Variants in COL21A1 observed in about 807,000 individuals in gnomAD.
The protein encoded by COL21A1 is collagen type XXI alpha 1 chain.
COL21A1 carries 149 observed loss-of-function variants against 137.9 expected under a neutral mutation model. The observed-to-expected ratio is 1.08, with a 90% CI of 0.95 to 1.24. The LOEUF (loss-of-function observed/expected upper bound fraction) is 1.24, where lower values mean the gene tolerates loss of function less well. Ranked by LOEUF, COL21A1 falls within the 50% of genes most tolerant of loss-of-function variation. The pLI, the probability that COL21A1 is intolerant of heterozygous loss-of-function variation, is 0.00. For missense variants in COL21A1, 1,167 were observed against 1,158.4 expected (o/e 1.01, Z -0.11); for synonymous variants, 456 against 391.5 (o/e 1.16, Z -1.95).
intron 1 of COL21A1, among the ~76,000 whole-genome samples, chr6:56,376,762 T>C (rs974305407): frequency 4.0e-5 from 6 of 151,818 alleles, no homozygotes; most frequent in Non-Finnish European, 8.8e-5. Flanking sequence ...TTTTGAATAG[T>C]TACAGAAAAT....
intron 1 of COL21A1, among the ~76,000 whole-genome samples, chr6:56,382,830 T>C (rs1232384739): frequency 6.6e-6 from 1 of 152,132 alleles, no homozygotes; most frequent in Non-Finnish European, 1.5e-5. Context: ...CATCCTATGG[T>C]ATTTTGTTAT....
chr6:56,270,278 G>A (rs1168462975), intron 1 of COL21A1, among the ~76,000 whole-genome samples: 1 of 152,192 alleles, frequency 6.6e-6, no homozygotes, highest in South Asian at 2.1e-4. Flanking sequence ...TCTTATGTCA[G>A]CTAAAATAGA....
At chr6:56,145,786 C>G (rs1774786904) in intron 10 of COL21A1, among the ~76,000 whole-genome samples, 1 of 152,012 alleles carries the variant, frequency 6.6e-6, no homozygotes, top group African/African-American at 2.4e-5. Context: ...CCACCCTACC[C>G]CCATCTGCAA....
intron 1 of COL21A1, among the ~76,000 whole-genome samples, chr6:56,287,537 C>G (rs1208485477): frequency 6.6e-6 from 1 of 152,034 alleles, no homozygotes; most frequent in East Asian, 1.9e-4. Flanking sequence ...CTCTCTTTCT[C>G]TCCTGATTTG....
At chr6:56,311,187 C>G (rs532213705) in intron 1 of COL21A1, among the ~76,000 whole-genome samples, 1 of 152,308 alleles carries the variant, frequency 6.6e-6, no homozygotes, top group Admixed American at 6.5e-5. Context: ...AAAATGAATA[C>G]ACAAAGATAG....
At position 56,276,487 on chromosome 6, in the gene COL21A1, G is replaced by A. The variant is rs200537235; in HGVS notation, c.-38-93831C>T. ...AAAATACATACTTTTTTCAGAGAGAGGGGGAACAACTTAAAATAAACCAGA... is the reference window on the plus strand; with the variant it reads ...AAAATACATACTTTTTTCAGAGAGAAGGGGAACAACTTAAAATAAACCAGA... On this transcript the variant is annotated intron_variant, in intron 1 of 28. Coordinates refer to the COL21A1 transcript ENST00000370819. The A allele has an allele frequency of 2.2e-4, 183 of 824,246 alleles. No homozygotes were observed. The East Asian group carries it at 3.0e-3, about 14-fold the overall frequency. The allele number at this position is 824,246 out of a possible 1,614,324, so 51.1% of individuals were successfully genotyped here.
chr6:56,243,207 T>C (rs1040300566), intron 1 of COL21A1, among the ~76,000 whole-genome samples: 3 of 152,170 alleles, frequency 2.0e-5, no homozygotes, highest in Non-Finnish European at 4.4e-5. Context: ...ATTACTTTAC[T>C]CTTTTCACAA....
At chr6:56,099,083 A>T (rs1310887699) in intron 17 of COL21A1, among the ~76,000 whole-genome samples, 1 of 151,770 alleles carries the variant, frequency 6.6e-6, no homozygotes, top group East Asian at 1.9e-4. Flanking sequence ...GTTCAACGTA[A>T]ATACGTGCTC....
Position 56,060,746 on chromosome 6 carries a change from AT to A in COL21A1, c.2401del (p.Ile801Ter). 1 of 1,605,166 alleles carries A rather than the reference AT, an allele frequency of 6.2e-7. No individual in the cohort carries two copies. Among genetic ancestry groups the A allele is most frequent in the Non-Finnish European group, 8.5e-7 (1 of 1,177,580 alleles). On this transcript the variant is annotated frameshift_variant, in exon 27 of 30. Transcript: ENST00000244728. LOFTEE classifies it high-confidence loss of function. ...QFIRQVCTDVIRAQLPVLLQS... is the reference protein window; with the variant it reads ...QFIRQVCTDVXRAQLPVLLQS... ...ATGCTATATTTGATACCTACCTCTT[AT>A]TACATCTGTGCAAACTTGTCGAATA...
chr6:56,383,709 T>TC (rs1383654202), intron 1 of COL21A1, among the ~76,000 whole-genome samples: 1 of 152,216 alleles, frequency 6.6e-6, no homozygotes, highest in African/African-American at 2.4e-5. Context: ...ACAGTCTGGT[T>TC]CAATGCATTA....
intron 1 of COL21A1, among the ~76,000 whole-genome samples, chr6:56,268,270 T>G (rs1309364196): frequency 6.6e-6 from 1 of 152,164 alleles, no homozygotes; most frequent in Non-Finnish European, 1.5e-5. Context: ...TGCCATGGCC[T>G]CTACCCAAAG....
At chr6:56,222,204 T>A (rs577033260) in intron 1 of COL21A1, among the ~76,000 whole-genome samples, 1 of 151,874 alleles carries the variant, frequency 6.6e-6, no homozygotes, top group East Asian at 1.9e-4. Context: ...ACCCAGGAGG[T>A]GGAGGTTGCA....
In COL21A1 at chr6:56,243,708, G is replaced by A. The variant is rs532919007; in HGVS notation, c.-39+3679C>T. On this transcript the variant is annotated intron_variant, in intron 1 of 29. Transcript: ENST00000244728. Reference sequence around the variant, plus strand: ...GTTCTACTTCCCCAATTTTACCAATGAGGAAACAGAAGCAAAAGTGATTAT... The same window carrying A: ...GTTCTACTTCCCCAATTTTACCAATAAGGAAACAGAAGCAAAAGTGATTAT... Among the ~76,000 whole-genome samples, 176 of 152,270 alleles carry A rather than the reference G, an allele frequency of 1.2e-3. 1 individual carries two copies. The highest frequency in any genetic ancestry group is 4.1e-3 in the African/African-American group (172 of 41,572).
intron 16 of COL21A1, among the ~76,000 whole-genome samples, chr6:56,110,255 CTT>C (rs35299623): frequency 0.012 from 1,482 of 121,912 alleles, 12 homozygotes; most frequent in African/African-American, 0.025. Flanking sequence ...GCAGAAAAAG[CTT>C]TTTTTTTTTT....
intron 17 of COL21A1, among the ~76,000 whole-genome samples, chr6:56,095,158 A>G (rs1769202136): frequency 6.6e-6 from 1 of 152,118 alleles, no homozygotes; most frequent in African/African-American, 2.4e-5. Flanking sequence ...TTATCCCAAA[A>G]TATAGACCTT....
At chr6:56,361,637 T>C (rs1765967637) in intron 1 of COL21A1, among the ~76,000 whole-genome samples, 2 of 152,016 alleles carry the variant, frequency 1.3e-5, no homozygotes, top group Non-Finnish European at 2.9e-5. Flanking sequence ...AAAATGGTAA[T>C]AATAGGAAAC....
At chr6:56,156,783 C>A in intron 10 of COL21A1, 104 bp downstream of exon 10, 3 of 925,126 alleles carry the variant, frequency 3.2e-6, no homozygotes, top group South Asian at 2.9e-5. Context: ...TGGCAGCAGT[C>A]ATGAATAAAG....
intron 1 of COL21A1, among the ~76,000 whole-genome samples, chr6:56,192,715 G>C (rs1778769527): frequency 6.6e-6 from 1 of 152,288 alleles, no homozygotes; most frequent in African/African-American, 2.4e-5. Flanking sequence ...TGGAGAAATA[G>C]GAATGCTTTT....
At chr6:56,109,679 T>C (rs1250229470) in intron 16 of COL21A1, among the ~76,000 whole-genome samples, 1 of 151,728 alleles carries the variant, frequency 6.6e-6, no homozygotes, top group East Asian at 1.9e-4. Context: ...ATATCAGGAA[T>C]GAAATAAAGG....
Sources: gnomAD v4.1 joint callset for allele counts (sites outside exome capture counted in the v4.1 genomes callset) on GRCh38, gnomAD v4.1.1 for gene constraint, MANE v1.5 for transcripts, NCBI Gene and HGNC (gene_info 2026-07-23, HGNC 2026-07-21) for gene names.